Variants in NDUFA2 observed in about 807,000 individuals in gnomAD.
NDUFA2 encodes the protein NADH dehydrogenase [ubiquinone] 1 alpha subcomplex subunit 2.
A neutral mutation model predicts 11.4 loss-of-function variants in NDUFA2; 9 were observed. The ratio of observed to expected loss-of-function variants is 0.79; its 90% CI spans 0.48 to 1.38. The LOEUF (loss-of-function observed/expected upper bound fraction) is 1.38. Ranked by LOEUF, NDUFA2 falls within the 40% of genes most tolerant of loss-of-function variation. The pLI, the probability that NDUFA2 is intolerant of heterozygous loss-of-function variation, is 0.00. For synonymous variants in NDUFA2, 49 were observed against 54.0 expected, an observed-to-expected ratio of 0.91 and a Z score of 0.41; for missense variants, 150 against 131.2, an observed-to-expected ratio of 1.14 and a Z score of -0.70.
chr5:140,645,778 G>C, intron 2 of NDUFA2, 100 bp from the exon 3 acceptor site: 1 of 1,557,128 alleles, frequency 6.4e-7, no homozygotes, highest in Admixed American at 1.8e-5. Flanking sequence ...TGTTAAGACA[G>C]GAAGAGTATT....
rs1757456399 is a variant in NDUFA2, at chr5:140,647,249, C to T, written c.208+7G>A. On this transcript the variant is annotated splice_region_variant and intron_variant, in intron 2 of 2. Transcript: ENST00000252102. ...GGAGCCCCAGACCCCTGGCGTCCCG[C>T]ACTCACCGTAGCGGGCCCAGAGCTT... is the stretch of plus-strand genomic sequence containing the variant. 1 of 1,540,492 alleles carries T rather than the reference C, an allele frequency of 6.5e-7. No homozygotes were observed. The highest frequency in any genetic ancestry group is 8.7e-7 in the Non-Finnish European group (1 of 1,144,162).
chr5:140,647,470 C>A lies in NDUFA2; in HGVS notation c.101+13G>T. 2 of 1,611,700 alleles carry A rather than the reference C, an allele frequency of 1.2e-6. No individual in the cohort carries two copies. The highest frequency in any genetic ancestry group is 1.7e-6 in the Non-Finnish European group (2 of 1,179,726). ...GTCCCGAAGCCCGCCCGCCTCACCA[C>A]GCCGCGCCTCACCTGACGCCCTGGC... is the stretch of plus-strand genomic sequence containing the variant. On this transcript the variant is annotated intron_variant, in intron 1 of 2. Transcript: ENST00000252102.
chr5:140,647,388 C>T, intron 1 of NDUFA2, 26 bp from the exon 2 acceptor site: 2 of 1,611,136 alleles, frequency 1.2e-6, no homozygotes, highest in Non-Finnish European at 1.7e-6. Context: ...GAGCGCCGCG[C>T]GTGCTGTGGG....
chr5:140,645,747 T>C, intron 2 of NDUFA2, 69 bp from the exon 3 acceptor site: 1 of 1,608,698 alleles, frequency 6.2e-7, no homozygotes. Flanking sequence ...AAATAAAAGA[T>C]CTTTGTCTTT....
Position 140,645,792 on chromosome 5 carries a change from G to A in NDUFA2, c.209-114C>T, listed in dbSNP as rs188764671. ...TTGTTAAGACAGGAAGAGTATTAAA[G>A]AGATATGATCAAAATACATTTGGTA... On this transcript the variant is annotated intron_variant, in intron 2 of 2. Coordinates refer to ENST00000252102, the MANE Select transcript of NDUFA2 (RefSeq NM_002488.5). 173 of 1,518,870 alleles carry A rather than the reference G, an allele frequency of 1.1e-4. No homozygotes were observed. The East Asian group carries it at 3.5e-3, about 31-fold the overall frequency. The allele number at this position is 1,518,870 out of a possible 1,614,324, so 94.1% of individuals were successfully genotyped here. A position where few individuals can be genotyped will look rare whatever the true frequency, so the allele number is the denominator to read the frequency against.
Position 140,647,469 on chromosome 5 carries a change from A to G in NDUFA2, c.101+14T>C. ...CGTCCCGAAGCCCGCCCGCCTCACCACGCCGCGCCTCACCTGACGCCCTGG... is the reference window on the plus strand; with the variant it reads ...CGTCCCGAAGCCCGCCCGCCTCACCGCGCCGCGCCTCACCTGACGCCCTGG... On this transcript the variant is annotated intron_variant, in intron 1 of 2. Transcript: ENST00000252102. 6.2e-7 allele frequency: 1 copy of G among 1,611,636 alleles called. No homozygotes were observed. The highest frequency in any genetic ancestry group is 8.5e-7 in the Non-Finnish European group (1 of 1,179,662).
chr5:140,647,196 T>C, intron 2 of NDUFA2, 60 bp downstream of exon 2: 1 of 1,502,864 alleles, frequency 6.7e-7, no homozygotes, highest in Non-Finnish European at 8.9e-7. Flanking sequence ...GGCGGTCCCT[T>C]CTCTTCTCAA....
chr5:140,646,670 C>T (rs551773932), intron 2 of NDUFA2, among the ~76,000 whole-genome samples: 1 of 152,184 alleles, frequency 6.6e-6, no homozygotes, highest in South Asian at 2.1e-4. Flanking sequence ...ATTGCCATGC[C>T]AGTCTTAGAG....
At chr5:140,646,766 TAAC>T (rs1218330916) in intron 2 of NDUFA2, among the ~76,000 whole-genome samples, 2 of 152,168 alleles carry the variant, frequency 1.3e-5, no homozygotes, top group African/African-American at 4.8e-5. Flanking sequence ...AGCTAGAGTT[TAAC>T]AATAGTGCAA....
chr5:140,646,420 GA>G (rs1421768710), intron 2 of NDUFA2, among the ~76,000 whole-genome samples: 1 of 152,136 alleles, frequency 6.6e-6, no homozygotes, highest in East Asian at 1.9e-4. Context: ...TTTGGAAGGA[GA>G]AGCTTTTTTC....
chr5:140,645,467 G>T lies in NDUFA2; in HGVS notation c.*120C>A. On this transcript the variant is annotated 3_prime_UTR_variant, in exon 3 of 3. Coordinates refer to ENST00000252102, the MANE Select transcript of NDUFA2 (RefSeq NM_002488.5). ...GGGTAGATGAGGACAAGAACACCCT[G>T]AGAAAGTATTTTACAGCACAAGCTT... The T allele has an allele frequency of 7.5e-7, 1 of 1,337,434 alleles. No homozygotes were observed. The highest frequency in any genetic ancestry group is 1.2e-5 in the South Asian group (1 of 81,466). 82.8% of individuals were successfully genotyped at this position (1,337,434 alleles called of 1,614,324 possible).
At position 140,645,491 on chromosome 5, in the gene NDUFA2, T is replaced by C; in HGVS notation, c.*96A>G. 1 of 1,491,360 alleles carries C rather than the reference T, an allele frequency of 6.7e-7. No homozygotes were observed. The highest frequency in any genetic ancestry group is 9.3e-7 in the Non-Finnish European group (1 of 1,078,608). 92.4% of individuals were successfully genotyped at this position (1,491,360 alleles called of 1,614,324 possible). A position where few individuals can be genotyped will look rare whatever the true frequency, so the allele number is the denominator to read the frequency against. On this transcript the variant is annotated 3_prime_UTR_variant, in exon 3 of 3. Coordinates refer to ENST00000252102, the MANE Select transcript of NDUFA2 (RefSeq NM_002488.5). ...TGAGAAAGTATTTTACAGCACAAGC[T>C]TTATGAGGAATAGGAGAACACATTT...
rs756214934 is a variant in NDUFA2, at chr5:140,645,566, T to C, written c.*21A>G. On this transcript the variant is annotated 3_prime_UTR_variant, in exon 3 of 3. Coordinates refer to ENST00000252102, the MANE Select transcript of NDUFA2 (RefSeq NM_002488.5). ...AGAGCCCAGGCTCTGGGGCTGTTGCTCTTAATCCTCAGTGGAGGCTTCAGG... is the reference window on the plus strand; with the variant it reads ...AGAGCCCAGGCTCTGGGGCTGTTGCCCTTAATCCTCAGTGGAGGCTTCAGG... The C allele has an allele frequency of 1.9e-6, 3 of 1,614,030 alleles. No homozygotes were observed. Among genetic ancestry groups the C allele is most frequent in the South Asian group, 1.1e-5 (1 of 91,078 alleles).
At chr5:140,646,359 C>G (rs1757399933) in intron 2 of NDUFA2, among the ~76,000 whole-genome samples, 1 of 152,152 alleles carries the variant, frequency 6.6e-6, no homozygotes, top group African/African-American at 2.4e-5. Context: ...TAATACCCAG[C>G]ACAATACACT....
chr5:140,646,305 C>T (rs1757395181), intron 2 of NDUFA2, among the ~76,000 whole-genome samples: 1 of 152,150 alleles, frequency 6.6e-6, no homozygotes, highest in South Asian at 2.1e-4. Context: ...ACCACCGCAC[C>T]CAGCTGGGTA....
chr5:140,647,276 G>A lies in NDUFA2; in HGVS notation c.188C>T (p.Pro63Leu), dbSNP rs199726032. The A allele has an allele frequency of 8.3e-5, 129 of 1,562,050 alleles. No individual in the cohort carries two copies. The highest frequency in any genetic ancestry group is 6.9e-5 in the Non-Finnish European group (79 of 1,152,352). The change falls in exon 2 of 3, where the codon CCC becomes CTC. Residue 63 changes from proline (P) to leucine (L), a missense_variant. By Grantham distance (98) the Pro-to-Leu change is moderately conservative (BLOSUM62 -3). Transcript: ENST00000252102. ...CTCACCGTAGCGGGCCCAGAGCTTG[G>A]GCTGCACATCGGAGCATTCGCGGAT... Reference protein sequence around the residue: ...ILIRECSDVQPKLWARYAFGQ... With the variant: ...ILIRECSDVQLKLWARYAFGQ...
intron 2 of NDUFA2, among the ~76,000 whole-genome samples, chr5:140,645,984 C>T (rs890907816): frequency 6.6e-6 from 1 of 150,988 alleles, no homozygotes; most frequent in African/African-American, 2.4e-5. Context: ...ATGGGTCCAG[C>T]CTCAGCTGGG....
rs1232701901 is a variant in NDUFA2, at chr5:140,645,681, G to T, written c.209-3C>A. 1.2e-6 allele frequency: 2 copies of T among 1,614,004 alleles called. No individual in the cohort carries two copies. Among genetic ancestry groups the T allele is most frequent in the Admixed American group, 3.3e-5 (2 of 60,012 alleles). On this transcript the variant is annotated splice_polypyrimidine_tract_variant and splice_region_variant and intron_variant, in intron 2 of 2. Transcript: ENST00000252102. ...GACATTCGTCTCTTGGCCAAATGCTGAAGAGAGAGAGGGAGGTGTCTTTAA... is the reference window on the plus strand; with the variant it reads ...GACATTCGTCTCTTGGCCAAATGCTTAAGAGAGAGAGGGAGGTGTCTTTAA...
At chr5:140,647,090 A>G (rs150665735) in intron 2 of NDUFA2, 166 bp downstream of exon 2, 2 of 787,446 alleles carry the variant, frequency 2.5e-6, no homozygotes, top group East Asian at 5.5e-5. Flanking sequence ...AACGCATCAT[A>G]TAACCCTGCG....
Sources: allele counts gnomAD v4.1 joint callset (sites outside exome capture counted in the v4.1 genomes callset), GRCh38; gene constraint gnomAD v4.1.1; transcripts MANE v1.5; gene names NCBI Gene and HGNC (gene_info 2026-07-23, HGNC 2026-07-21).